Variants in ADGRB3 observed in about 807,000 individuals in gnomAD.
The protein encoded by ADGRB3 is adhesion G protein-coupled receptor B3, also known as brain-specific angiogenesis inhibitor 3.
In ADGRB3, 37 loss-of-function variants were observed where a neutral mutation model predicts 193.4. The observed-to-expected ratio is 0.19, with a 90% confidence interval of 0.15 to 0.25. ADGRB3 has a LOEUF of 0.25. ADGRB3 is among the 10% of genes least tolerant of loss of function. The pLI is 1.00. For missense variants in ADGRB3, 1,637 were observed against 1,852.9 expected (o/e 0.88, Z 2.14); for synonymous variants, 690 against 644.2 (o/e 1.07, Z -1.08).
At position 68,974,787 on chromosome 6, in the gene ADGRB3, A is replaced by T. The variant is rs1768693190; in HGVS notation, c.1550A>T (p.Asp517Val). 6.2e-7 allele frequency: 1 copy of T among 1,613,874 alleles called. No individual in the cohort carries two copies. ...CPAPYEICPE[D>V]YLMSMVWKRT... The stretch of plus-strand genomic sequence containing the variant: ...GCACCTTATGAAATATGCCCTGAGG[A>T]TTATCTGATGTCGATGGTGTGGAAA... Residue 517 changes from aspartate (D) to valine (V), a missense_variant, in exon 9 of 32, where the codon GAT (aspartate) becomes GTT (valine). Around this residue, in one of 7 missense-constraint regions of ADGRB3, gnomAD observed 641 missense variants for 673.9 expected, o/e 0.95. Transcript: ENST00000370598.
chr6:68,775,130 T>C (rs1329107545), intron 3 of ADGRB3, among the ~76,000 whole-genome samples: 2 of 135,496 alleles, frequency 1.5e-5, no homozygotes, highest in Non-Finnish European at 1.5e-5. Flanking sequence ...TCCATAGCTC[T>C]GACAAGCTGC....
At chr6:68,777,018 A>G (rs1766760223) in intron 3 of ADGRB3, among the ~76,000 whole-genome samples, 1 of 152,188 alleles carries the variant, frequency 6.6e-6, no homozygotes, top group African/African-American at 2.4e-5. Flanking sequence ...GCTTGATTAT[A>G]GAAAATATTG....
At chr6:68,784,246 A>G (rs957375126) in intron 3 of ADGRB3, among the ~76,000 whole-genome samples, 1 of 152,124 alleles carries the variant, frequency 6.6e-6, no homozygotes, top group Admixed American at 6.6e-5. Context: ...CCGTAAGTCT[A>G]CTAAATGGCA....
intron 3 of ADGRB3, among the ~76,000 whole-genome samples, chr6:68,879,502 A>G (rs1036322844): frequency 6.6e-6 from 1 of 152,010 alleles, no homozygotes; most frequent in African/African-American, 2.4e-5. Flanking sequence ...TGCTGGGATT[A>G]CAGGCGTGAG....
intron 13 of ADGRB3, among the ~76,000 whole-genome samples, chr6:69,031,770 G>A (rs1245352911): frequency 1.3e-5 from 2 of 151,566 alleles, no homozygotes; most frequent in African/African-American, 4.9e-5. Context: ...GAGTAGCTGG[G>A]ACTACAGTCA....
chr6:68,944,201 T>G (rs1402643687), intron 6 of ADGRB3, among the ~76,000 whole-genome samples: 1 of 152,170 alleles, frequency 6.6e-6, no homozygotes, highest in Non-Finnish European at 1.5e-5. Flanking sequence ...CAATCAACAT[T>G]TACCTTTATT....
chr6:68,900,757 T>C (rs1028767766), intron 3 of ADGRB3, among the ~76,000 whole-genome samples: 9 of 152,128 alleles, frequency 5.9e-5, no homozygotes, highest in Non-Finnish European at 1.2e-4. Context: ...GGGCCCGTGA[T>C]GCAGCACTAG....
intron 3 of ADGRB3, among the ~76,000 whole-genome samples, chr6:68,813,410 G>A (rs1484070808): frequency 1.3e-5 from 2 of 152,110 alleles, no homozygotes; most frequent in Non-Finnish European, 2.9e-5. Flanking sequence ...GGGCTTGCAA[G>A]TGTTAGCTAA....
intron 31 of ADGRB3, among the ~76,000 whole-genome samples, chr6:69,386,057 G>A (rs932970799): frequency 1.3e-5 from 2 of 152,086 alleles, no homozygotes; most frequent in Non-Finnish European, 2.9e-5. Context: ...CACCAGTTGA[G>A]CTGGGAGTGG....
At chr6:69,362,206 A>G (rs989396496) in intron 29 of ADGRB3, among the ~76,000 whole-genome samples, 3 of 151,974 alleles carry the variant, frequency 2.0e-5, no homozygotes, top group Admixed American at 2.0e-4. Flanking sequence ...ACCAAAAGCA[A>G]AGAGTAAACT....
intron 9 of ADGRB3, 106 bp from the exon 10 acceptor site, chr6:68,975,128 T>C: frequency 1.1e-6 from 1 of 899,486 alleles, no homozygotes; most frequent in Non-Finnish European, 1.7e-6. Context: ...GCATGTTTTT[T>C]AAAGAAAAAA....
In ADGRB3 at chr6:68,808,421, A is replaced by C. The variant is rs138123934; in HGVS notation, c.758-122138A>C. Among the ~76,000 whole-genome samples the C allele has an allele frequency of 2.3e-3, 351 of 150,946 alleles. 1 individual carries two copies. The highest frequency in any genetic ancestry group is 8.1e-3 in the African/African-American group (334 of 41,218). On this transcript the variant is annotated intron_variant, in intron 3 of 31. Coordinates refer to ENST00000370598, the MANE Select transcript of ADGRB3 (RefSeq NM_001704.3). The stretch of plus-strand genomic sequence containing the variant: ...GGGAAAAAAGCAAACCTCACTTTTC[A>C]AGACCTTTTTTTTTTTTTTGCTACC...
intron 3 of ADGRB3, among the ~76,000 whole-genome samples, chr6:68,662,571 CA>C (rs371925501): frequency 6.6e-6 from 1 of 151,514 alleles, no homozygotes; most frequent in African/African-American, 2.4e-5. Context: ...ATCTGTTAAA[CA>C]ATTGCTTTAG....
At chr6:68,798,148 T>C (rs967940273) in intron 3 of ADGRB3, among the ~76,000 whole-genome samples, 1 of 152,176 alleles carries the variant, frequency 6.6e-6, no homozygotes, top group African/African-American at 2.4e-5. Context: ...AGGACTTAAG[T>C]AAAATTTAAA....
At chr6:69,091,696 T>A (rs34958835) in intron 17 of ADGRB3, among the ~76,000 whole-genome samples, 20,571 of 152,108 alleles carry the variant, frequency 0.14, 1,581 homozygotes, top group Middle Eastern at 0.3. Flanking sequence ...GGTACTAGGC[T>A]TAATATCTGG....
At position 68,908,130 on chromosome 6, in the gene ADGRB3, C is replaced by T. The variant is rs572407990; in HGVS notation, c.758-22429C>T. ...CAATAAATTATTTAATTAACTATTG[C>T]TGTCTTAATTTCTACATGGATTTTT... On this transcript the variant is annotated intron_variant, in intron 3 of 31. Transcript: ENST00000370598. Among the ~76,000 whole-genome samples, 86 of 152,006 alleles carry T rather than the reference C, an allele frequency of 5.7e-4. 1 individual carries two copies. The highest frequency in any genetic ancestry group is 1.8e-3 in the African/African-American group (74 of 41,518).
chr6:68,888,371 T>C (rs576759790), intron 3 of ADGRB3, among the ~76,000 whole-genome samples: 38 of 152,304 alleles, frequency 2.5e-4, no homozygotes, highest in African/African-American at 9.1e-4. Flanking sequence ...AATTCATTCT[T>C]GTATTTTTCC....
chr6:68,638,567 C>T (rs1307095472), intron 2 of ADGRB3, 94 bp from the exon 3 acceptor site: 3 of 1,284,896 alleles, frequency 2.3e-6, no homozygotes, highest in Non-Finnish European at 3.2e-6. Context: ...TTACTGAAAT[C>T]TTGAAAACAG....
intron 3 of ADGRB3, among the ~76,000 whole-genome samples, chr6:68,793,208 G>T (rs904125173): frequency 1.3e-5 from 2 of 151,986 alleles, no homozygotes; most frequent in African/African-American, 2.4e-5. Context: ...GCATCTCAGG[G>T]TTACGCTGGC....
Sources: allele counts gnomAD v4.1 joint callset (sites outside exome capture counted in the v4.1 genomes callset), GRCh38; gene constraint gnomAD v4.1.1; regional missense constraint gnomAD v4.1.1; transcripts MANE v1.5; gene names NCBI Gene and HGNC (gene_info 2026-07-23, HGNC 2026-07-21).